The following RFX7 variants were observed in gnomAD, a reference collection of about 807,000 sequenced individuals.
RFX7 encodes the protein DNA-binding protein RFX7.
RFX7 carries 26 observed loss-of-function variants against 111.8 expected under a neutral mutation model. The ratio of observed to expected loss-of-function variants is 0.23; its 90% confidence interval spans 0.17 to 0.32. RFX7 has a LOEUF of 0.32. Among genes scored for constraint, RFX7 ranks in the 10% least tolerant of loss-of-function variants. The pLI is 1.00. For missense variants in RFX7, 1,573 were observed against 1,772.9 expected, an observed-to-expected ratio of 0.89 and a Z score of 2.02; for synonymous variants, 624 against 624.4, an observed-to-expected ratio of 1.00 and a Z score of 0.01.
At chr15:56,147,578 A>ATT (rs58457356) in intron 3 of RFX7, among the ~76,000 whole-genome samples, 5 of 148,158 alleles carry the variant, frequency 3.4e-5, no homozygotes, top group Non-Finnish European at 1.5e-5. Context: ...AAAAAATCTA[A>ATT]TTTTTTTTTT....
At chr15:56,123,900 G>A (rs185884868) in intron 5 of RFX7, among the ~76,000 whole-genome samples, 11 of 152,292 alleles carry the variant, frequency 7.2e-5, no homozygotes, top group South Asian at 6.2e-4. Flanking sequence ...CTCATTCTCC[G>A]TGGCAGGTGC....
chr15:56,140,349 G>T (rs918624012), intron 5 of RFX7, among the ~76,000 whole-genome samples: 4 of 152,074 alleles, frequency 2.6e-5, no homozygotes, highest in African/African-American at 7.2e-5. Context: ...TCGGAAAAGC[G>T]CAGTATTCGG....
intron 3 of RFX7, among the ~76,000 whole-genome samples, chr15:56,144,721 A>G (rs1278422496): frequency 6.6e-6 from 1 of 152,134 alleles, no homozygotes; most frequent in African/African-American, 2.4e-5. Flanking sequence ...ATGGGCATAA[A>G]TAGAATTATT....
At chr15:56,215,472 A>G (rs934568148) in intron 2 of RFX7, among the ~76,000 whole-genome samples, 4 of 152,186 alleles carry the variant, frequency 2.6e-5, no homozygotes, top group Non-Finnish European at 4.4e-5. Flanking sequence ...GACTTCCCTC[A>G]TCTGTTAATG....
At chr15:56,238,193 G>A (rs1384074967) in intron 2 of RFX7, among the ~76,000 whole-genome samples, 3 of 152,148 alleles carry the variant, frequency 2.0e-5, no homozygotes, top group Non-Finnish European at 4.4e-5. Flanking sequence ...ATGGCGGACT[G>A]TAATCAGAAC....
Position 56,198,078 on chromosome 15 carries a change from G to A in RFX7, c.162-18775C>T, listed in dbSNP as rs16976805. 5.2e-3 allele frequency among the ~76,000 whole-genome samples: 796 copies of A among 152,222 alleles called. 8 individuals are homozygous for A. The highest frequency in any genetic ancestry group is 0.017 in the African/African-American group (723 of 41,510). On this transcript the variant is annotated intron_variant, in intron 2 of 9. Transcript: ENST00000559447. Reference sequence around the variant, plus strand: ...CTAGCTGAACCTTTCTCGTAGGGACGGTGGCTATATGTACCACAGGAAACC... The same window carrying A: ...CTAGCTGAACCTTTCTCGTAGGGACAGTGGCTATATGTACCACAGGAAACC...
chr15:56,103,715 T>C, intron 5 of RFX7, 45 bp from the exon 6 acceptor site: 1 of 1,169,676 alleles, frequency 8.5e-7, no homozygotes, highest in Non-Finnish European at 1.2e-6. Flanking sequence ...GAATTCAGAA[T>C]TATATCGCAG....
chr15:56,124,995 T>C (rs761083401), intron 5 of RFX7, among the ~76,000 whole-genome samples: 1 of 152,234 alleles, frequency 6.6e-6, no homozygotes, highest in Non-Finnish European at 1.5e-5. Context: ...TGGTCTTACA[T>C]TTATGTCTTT....
In RFX7 at chr15:56,184,170, C is replaced by T. The variant is rs373451378; in HGVS notation, c.162-4867G>A. ...GAGTAGCTGGGATTAGAGGCATGTG[C>T]CACCACACCTGGCTAATTTTGTATT... is the stretch of plus-strand genomic sequence containing the variant. On this transcript the variant is annotated intron_variant, in intron 2 of 9. Transcript: ENST00000559447. Among the ~76,000 whole-genome samples the T allele has an allele frequency of 4.5e-3, 687 of 151,162 alleles. 11 individuals carry two copies. Among genetic ancestry groups the T allele is most frequent in the African/African-American group, 0.016 (670 of 41,260 alleles).
chr15:56,141,835 GAAAAT>G (rs1264541117), intron 5 of RFX7, among the ~76,000 whole-genome samples: 1 of 151,300 alleles, frequency 6.6e-6, no homozygotes, highest in Admixed American at 6.6e-5. Flanking sequence ...TTTGTAAAGA[GAAAAT>G]AAATCTAGAG....
upstream of RFX7, among the ~76,000 whole-genome samples, chr15:56,244,723 G>A (rs2141264401): frequency 6.6e-6 from 1 of 152,116 alleles, no homozygotes; most frequent in East Asian, 1.9e-4. Flanking sequence ...AGAAACGCAT[G>A]TAGTACTCAC....
At chr15:56,108,107 A>G (rs193195266) in intron 5 of RFX7, among the ~76,000 whole-genome samples, 353 of 152,340 alleles carry the variant, frequency 2.3e-3, no homozygotes, top group South Asian at 7.9e-3. Flanking sequence ...ATGGACTCAA[A>G]GCCAAATTCT....
At chr15:56,165,027 C>T (rs2042766732) in intron 3 of RFX7, among the ~76,000 whole-genome samples, 1 of 152,210 alleles carries the variant, frequency 6.6e-6, no homozygotes, top group African/African-American at 2.4e-5. Context: ...TGGGACGTAA[C>T]TGTTCCACTT....
intron 5 of RFX7, among the ~76,000 whole-genome samples, chr15:56,118,418 C>T (rs577172045): frequency 9.2e-5 from 14 of 152,196 alleles, no homozygotes; most frequent in African/African-American, 3.4e-4. Flanking sequence ...ATTTTTAGCT[C>T]CCACAAATAA....
chr15:56,155,503 C>G (rs1436136239), intron 3 of RFX7, among the ~76,000 whole-genome samples: 1 of 152,176 alleles, frequency 6.6e-6, no homozygotes, highest in Admixed American at 6.5e-5. Flanking sequence ...TCTCAGCAAA[C>G]TATCACAAGA....
At chr15:56,177,172 C>T (rs1473427666) in intron 3 of RFX7, among the ~76,000 whole-genome samples, 1 of 152,138 alleles carries the variant, frequency 6.6e-6, no homozygotes, top group Non-Finnish European at 1.5e-5. Context: ...ACTGTTCCTT[C>T]TACCTCATGT....
intron 2 of RFX7, among the ~76,000 whole-genome samples, chr15:56,189,402 C>G (rs1407817696): frequency 6.6e-6 from 1 of 151,648 alleles, no homozygotes; most frequent in Non-Finnish European, 1.5e-5. Flanking sequence ...TAAATCAGAC[C>G]CCATCGAAAT....
chr15:56,134,177 A>G (rs931114457), intron 5 of RFX7, among the ~76,000 whole-genome samples: 6 of 152,068 alleles, frequency 3.9e-5, no homozygotes, highest in African/African-American at 1.4e-4. Flanking sequence ...TCTGCCCCTC[A>G]CTAGTTTTGT....
intron 3 of RFX7, among the ~76,000 whole-genome samples, chr15:56,147,669 G>A (rs2141036908): frequency 6.6e-6 from 1 of 152,168 alleles, no homozygotes; most frequent in Non-Finnish European, 1.5e-5. Flanking sequence ...CGCCCCCCGG[G>A]TTCACACCAT....
Sources: allele counts gnomAD v4.1 joint callset (sites outside exome capture counted in the v4.1 genomes callset), GRCh38; gene constraint gnomAD v4.1.1; transcripts MANE v1.5; gene names NCBI Gene and HGNC (gene_info 2026-07-23, HGNC 2026-07-21).